Variants in OPCML observed in about 807,000 individuals in gnomAD.
The protein encoded by OPCML is opioid-binding protein/cell adhesion molecule.
Under a neutral mutation model 37.8 loss-of-function variants are expected in OPCML, and 13 were observed. The ratio of observed to expected loss-of-function variants is 0.34; its 90% CI spans 0.22 to 0.55. The LOEUF is 0.55. Ranked by LOEUF, OPCML falls within the 20% of genes least tolerant of loss-of-function variation. The pLI is 0.91. For synonymous variants in OPCML, 176 were observed against 168.8 expected, an observed-to-expected ratio of 1.04 and a Z score of -0.33; for missense variants, 341 against 435.6, an observed-to-expected ratio of 0.78 and a Z score of 1.93.
Position 132,549,535 on chromosome 11 carries a change from G to A in OPCML, c.380-20349C>T, listed in dbSNP as rs543832825. 3.2e-4 allele frequency among the ~76,000 whole-genome samples: 48 copies of A among 152,302 alleles called. 1 individual carries two copies. The South Asian group carries it at 9.9e-3, about 32-fold the overall frequency. On this transcript the variant is annotated intron_variant, in intron 3 of 7. Transcript: ENST00000524381. ...ACAGGAGTTAAGAAGAAATCACTTAGGCAGATAGCGAGGGTATGGGAGTCC... is the reference window on the plus strand; with the variant it reads ...ACAGGAGTTAAGAAGAAATCACTTAAGCAGATAGCGAGGGTATGGGAGTCC...
At chr11:132,990,261 G>C (rs1186432304) in intron 1 of OPCML, among the ~76,000 whole-genome samples, 1 of 152,186 alleles carries the variant, frequency 6.6e-6, no homozygotes, top group Non-Finnish European at 1.5e-5. Flanking sequence ...ACAGAATGTT[G>C]ATAAGTTAGC....
intron 1 of OPCML, among the ~76,000 whole-genome samples, chr11:133,238,946 G>A (rs1341945321): frequency 6.6e-6 from 1 of 152,174 alleles, no homozygotes; most frequent in African/African-American, 2.4e-5. Flanking sequence ...CGTTAATTGT[G>A]CATCATTGGA....
chr11:133,249,609 G>A (rs1399144018), intron 1 of OPCML, among the ~76,000 whole-genome samples: 2 of 152,162 alleles, frequency 1.3e-5, no homozygotes, highest in African/African-American at 2.4e-5. Context: ...GACAAAGGCG[G>A]AGGAGAGAAA....
intron 1 of OPCML, among the ~76,000 whole-genome samples, chr11:132,973,909 G>C (rs974998039): frequency 6.6e-6 from 1 of 151,948 alleles, no homozygotes; most frequent in Admixed American, 6.6e-5. Context: ...AGAAAGCACG[G>C]AGTGGATCTG....
At chr11:133,433,251 C>CAAAAAAAAAA (rs71477795) in intron 1 of OPCML, among the ~76,000 whole-genome samples, 13 of 90,734 alleles carry the variant, frequency 1.4e-4, no homozygotes, top group African/African-American at 5.5e-4. Context: ...GACTCCGTCT[C>CAAAAAAAAAA]AAAAAAAAAA....
intron 2 of OPCML, among the ~76,000 whole-genome samples, chr11:132,773,914 A>T (rs1339417516): frequency 6.6e-6 from 1 of 152,226 alleles, no homozygotes; most frequent in African/African-American, 2.4e-5. Context: ...GAAAGGGAAG[A>T]TTACTGCACA....
At chr11:132,562,802 G>C (rs1015537715) in intron 3 of OPCML, among the ~76,000 whole-genome samples, 2 of 152,052 alleles carry the variant, frequency 1.3e-5, no homozygotes, top group Non-Finnish European at 2.9e-5. Context: ...CTAATAACTT[G>C]ACTCAGGCTG....
intron 2 of OPCML, among the ~76,000 whole-genome samples, chr11:132,891,193 C>T (rs1445029692): frequency 2.0e-5 from 3 of 152,108 alleles, no homozygotes; most frequent in Non-Finnish European, 4.4e-5. Flanking sequence ...AGGTAAGTTT[C>T]CCAAAAGTGT....
chr11:133,455,554 G>A (rs1033505543), intron 1 of OPCML, among the ~76,000 whole-genome samples: 1 of 152,162 alleles, frequency 6.6e-6, no homozygotes, highest in South Asian at 2.1e-4. Flanking sequence ...TCTCCAGTTT[G>A]TTCCCAGTGC....
chr11:132,546,440 CT>C (rs2096368808), intron 3 of OPCML, among the ~76,000 whole-genome samples: 1 of 152,214 alleles, frequency 6.6e-6, no homozygotes, highest in Non-Finnish European at 1.5e-5. Context: ...TTCTCCCACC[CT>C]TTCCCCCGTG....
At chr11:133,195,729 T>G (rs1448929273) in intron 1 of OPCML, among the ~76,000 whole-genome samples, 9 of 152,210 alleles carry the variant, frequency 5.9e-5, no homozygotes, top group African/African-American at 2.2e-4. Context: ...TTATGTACCT[T>G]CATCTTCCCA....
chr11:133,391,066 G>A (rs949027772), intron 1 of OPCML, among the ~76,000 whole-genome samples: 4 of 152,216 alleles, frequency 2.6e-5, no homozygotes, highest in African/African-American at 9.6e-5. Context: ...CCACCTGCAC[G>A]ACTCAGCGGA....
intron 1 of OPCML, among the ~76,000 whole-genome samples, chr11:133,333,225 A>G (rs772011754): frequency 1.3e-4 from 19 of 151,948 alleles, no homozygotes; most frequent in Non-Finnish European, 2.2e-4. Flanking sequence ...TGCCCAGTAC[A>G]TTTTTGTATT....
rs1939333531 is a variant in OPCML at position 133,211,009 on chromosome 11, A to T, written c.62-267999T>A. ...GAGGAAAGGATTTAGCTGAAAAACA[A>T]AAATTAAAAAAATGTGCAGAGAAGT... On this transcript the variant is annotated intron_variant, in intron 1 of 7. Coordinates refer to ENST00000524381, the MANE Select transcript of OPCML (RefSeq NM_001012393.5). This position sits in a 1 kb window ranked among gnomAD's most constrained non-coding sequence, Gnocchi z 4.1. Among the ~76,000 whole-genome samples, 1 of 152,186 alleles carries T rather than the reference A, an allele frequency of 6.6e-6. No homozygotes were observed. Among genetic ancestry groups the T allele is most frequent in the Admixed American group, 6.5e-5 (1 of 15,282 alleles).
At chr11:133,201,414 C>T (rs1938783081) in intron 1 of OPCML, among the ~76,000 whole-genome samples, 1 of 151,490 alleles carries the variant, frequency 6.6e-6, no homozygotes, top group Admixed American at 6.6e-5. Context: ...CAATAAATGA[C>T]TAGGTCCTAC....
At chr11:132,901,629 A>G (rs577112609) in intron 2 of OPCML, among the ~76,000 whole-genome samples, 1 of 152,320 alleles carries the variant, frequency 6.6e-6, no homozygotes, top group Non-Finnish European at 1.5e-5. Context: ...AACATGTCAC[A>G]CTGGCCACTC....
chr11:132,669,162 G>A (rs1942349817), intron 2 of OPCML, among the ~76,000 whole-genome samples: 1 of 152,044 alleles, frequency 6.6e-6, no homozygotes, highest in African/African-American at 2.4e-5. Flanking sequence ...TTAGGCACTA[G>A]TGTTGTCCTT....
chr11:132,495,334 G>A (rs75229411), intron 4 of OPCML, among the ~76,000 whole-genome samples: 2,023 of 152,246 alleles, frequency 0.013, 51 homozygotes, highest in African/African-American at 0.046. Context: ...AGAGATGTTC[G>A]AAACATACCC....
At chr11:132,548,798 C>A (rs111229899) in intron 3 of OPCML, among the ~76,000 whole-genome samples, 1 of 152,182 alleles carries the variant, frequency 6.6e-6, no homozygotes, top group African/African-American at 2.4e-5. Context: ...TCTGTAACCA[C>A]GTCACTTTCT....
Sources: allele counts gnomAD v4.1 joint callset (sites outside exome capture counted in the v4.1 genomes callset), GRCh38; gene constraint gnomAD v4.1.1; non-coding constraint Gnocchi (gnomAD v3.1); transcripts MANE v1.5; gene names NCBI Gene and HGNC (gene_info 2026-07-23, HGNC 2026-07-21).